SGK2: variants seen among roughly 807,000 people sequenced by gnomAD.
SGK2 encodes serum/glucocorticoid regulated kinase 2, also known as serine/threonine-protein kinase Sgk2.
In SGK2, 36 loss-of-function variants were observed where a neutral mutation model predicts 47.5. The observed-to-expected ratio is 0.76, with a 90% CI of 0.58 to 1.00. The LOEUF is 1.00. Ranked by LOEUF, SGK2 falls within the 50% of genes least tolerant of loss-of-function variation. The probability of loss-of-function intolerance (pLI) is 0.00; values close to 1 mark genes in which losing one functional copy is unlikely to be tolerated. For missense variants in SGK2, 404 were observed against 467.4 expected (o/e 0.86, Z 1.25); for synonymous variants, 157 against 181.9 (o/e 0.86, Z 1.10).
At chr20:43,573,499 A>AC (rs1340103583) in intron 9 of SGK2, among the ~76,000 whole-genome samples, 4 of 151,618 alleles carry the variant, frequency 2.6e-5, no homozygotes, top group Admixed American at 1.3e-4. Flanking sequence ...CAAAAAAAAA[A>AC]AAAAAAAAAA....
At chr20:43,566,212 A>G in intron 1 of SGK2, 2 of 889,822 alleles carry the variant, frequency 2.2e-6, no homozygotes, top group Admixed American at 2.4e-5. Flanking sequence ...GTTCTTGAAA[A>G]GAATCAGCCT....
chr20:43,564,607 A>C (rs1395390298), intron 1 of SGK2, among the ~76,000 whole-genome samples: 1 of 151,910 alleles, frequency 6.6e-6, no homozygotes, highest in Non-Finnish European at 1.5e-5. Context: ...ACTGCTCTTA[A>C]CACACACCTT....
chr20:43,583,723 CT>C, intron 12 of SGK2: 1 of 495,848 alleles, frequency 2.0e-6, no homozygotes, highest in Non-Finnish European at 2.6e-6. Flanking sequence ...AACCCCAGCA[CT>C]TTATGAGGCC....
At chr20:43,571,113 A>G in intron 8 of SGK2, 53 bp downstream of exon 8, 1 of 1,579,160 alleles carries the variant, frequency 6.3e-7, no homozygotes, top group Non-Finnish European at 8.6e-7. Context: ...ATGTGGTTGC[A>G]CAGGTACACT....
chr20:43,571,592 A>G (rs1198241062), intron 8 of SGK2, among the ~76,000 whole-genome samples: 1 of 152,082 alleles, frequency 6.6e-6, no homozygotes, highest in Non-Finnish European at 1.5e-5. Context: ...GATTGCTCCT[A>G]GGGACGGGGC....
chr20:43,565,999 T>C (rs1356181353), intron 1 of SGK2: 2 of 245,918 alleles, frequency 8.1e-6, no homozygotes, highest in Non-Finnish European at 1.6e-5. Flanking sequence ...ATTGTTCCTC[T>C]ATGGGAGTCC....
chr20:43,581,258 C>T (rs369900877), intron 12 of SGK2, among the ~76,000 whole-genome samples: 27 of 152,044 alleles, frequency 1.8e-4, no homozygotes, highest in Admixed American at 2.0e-4. Flanking sequence ...ATATTATCTT[C>T]CTCCTTTTTT....
At chr20:43,579,781 G>C (rs979637248) in intron 11 of SGK2, among the ~76,000 whole-genome samples, 191 bp from the exon 12 acceptor site, 1 of 152,160 alleles carries the variant, frequency 6.6e-6, no homozygotes, top group Non-Finnish European at 1.5e-5. Flanking sequence ...GGGGAGAAGG[G>C]TTTGGATTCT....
At chr20:43,561,051 C>T (rs1434491063) in intron 1 of SGK2, among the ~76,000 whole-genome samples, 3 of 152,206 alleles carry the variant, frequency 2.0e-5, no homozygotes, top group East Asian at 3.8e-4. Flanking sequence ...AGGACTATAG[C>T]GGTTTTAGCA....
Position 43,571,078 on chromosome 20 carries a change from TG to T in SGK2, c.510+19del. ...ACTGCCAGGTTGGTGTGTGTGTGTG[TG>T]TGTGTGTGTGTGTGTGTGTGTGTAT... On this transcript the variant is annotated intron_variant, in intron 8 of 12. Coordinates refer to ENST00000373100, the MANE Select transcript of SGK2 (RefSeq NM_170693.3). 1.9e-6 allele frequency: 3 copies of T among 1,597,478 alleles called. No individual in the cohort carries two copies. The highest frequency in any genetic ancestry group is 2.6e-6 in the Non-Finnish European group (3 of 1,170,598).
intron 11 of SGK2, among the ~76,000 whole-genome samples, chr20:43,577,853 C>G (rs184824371): frequency 6.6e-6 from 1 of 152,072 alleles, no homozygotes; most frequent in Non-Finnish European, 1.5e-5. Flanking sequence ...CTATGTTGGA[C>G]AGGCTGGTCT....
rs1426832816 is a variant in SGK2 at position 43,572,721 on chromosome 20, T to G, written c.597+584T>G. ...AAGAAATTCAAACCACATAAACACT[T>G]TAAAAACTTCCAGCAGCCACATTTA... On this transcript the variant is annotated intron_variant, in intron 9 of 12. Coordinates refer to ENST00000373100, the MANE Select transcript of SGK2 (RefSeq NM_170693.3). The surrounding 1 kb of genome is among the most constrained non-coding windows in gnomAD (Gnocchi z 4.2). Among the ~76,000 whole-genome samples, 2 of 152,120 alleles carry G rather than the reference T, an allele frequency of 1.3e-5. No individual in the cohort carries two copies. The highest frequency in any genetic ancestry group is 2.9e-5 in the Non-Finnish European group (2 of 68,008).
Position 43,569,391 on chromosome 20 carries a change from C to A in SGK2, c.235C>A (p.His79Asn). Residue 79 changes from histidine to asparagine, a missense_variant, in exon 6 of 13, where the codon CAC becomes AAC. His to Asn is a moderately conservative substitution (Grantham distance 68, BLOSUM62 1). Transcript: ENST00000373100. Reference protein sequence around the residue: ...KSILKKKEQSHIMAERSVLLK... With the variant: ...KSILKKKEQSNIMAERSVLLK... ...TCTCTTTGTGACTCCACAGCAGAGC[C>A]ACATCATGGCAGAGCGCAGTGTGCT... The A allele has an allele frequency of 6.2e-7, 1 of 1,613,884 alleles. No individual in the cohort carries two copies. Among genetic ancestry groups the A allele is most frequent in the Non-Finnish European group, 8.5e-7 (1 of 1,179,988 alleles).
intron 1 of SGK2, among the ~76,000 whole-genome samples, chr20:43,563,143 A>T (rs1296217154): frequency 6.6e-6 from 1 of 151,886 alleles, no homozygotes; most frequent in Non-Finnish European, 1.5e-5. Flanking sequence ...CTCAAAAAAA[A>T]AAAAAAGAAA....
intron 8 of SGK2, 71 bp from the exon 9 acceptor site, chr20:43,571,980 C>T: frequency 4.4e-6 from 5 of 1,132,580 alleles, no homozygotes; most frequent in Non-Finnish European, 1.3e-6. Context: ...GGCATCTGGG[C>T]TTTGGGGGTT....
intron 12 of SGK2, among the ~76,000 whole-genome samples, chr20:43,584,574 TCTC>T (rs1980988925): frequency 6.6e-6 from 1 of 152,170 alleles, no homozygotes; most frequent in South Asian, 2.1e-4. Flanking sequence ...TTTATCTTGT[TCTC>T]CTGTGTTCCC....
At chr20:43,569,833 G>A (rs1174910105) in intron 6 of SGK2, among the ~76,000 whole-genome samples, 1 of 152,164 alleles carries the variant, frequency 6.6e-6, no homozygotes, top group Admixed American at 6.6e-5. Flanking sequence ...GGAGCTCGTG[G>A]TCAAGGTTTC....
At position 43,571,070 on chromosome 20, in the gene SGK2, T is replaced by G. The variant is rs200172087; in HGVS notation, c.510+10T>G. 831 of 399,070 alleles carry G rather than the reference T, an allele frequency of 2.1e-3. 2 individuals are homozygous for G. Among genetic ancestry groups the G allele is most frequent in the Non-Finnish European group, 2.1e-3 (541 of 257,464 alleles). 24.7% of individuals were successfully genotyped at this position (399,070 alleles called of 1,614,324 possible). A position where few individuals can be genotyped will look rare whatever the true frequency, so the allele number is the denominator to read the frequency against. ...TCTCTTGGACTGCCAGGTTGGTGTG[T>G]GTGTGTGTGTGTGTGTGTGTGTGTG... On this transcript the variant is annotated intron_variant, in intron 8 of 12. Transcript: ENST00000373100.
Position 43,576,223 on chromosome 20 carries a change from G to C in SGK2, c.694-1G>C, listed in dbSNP as rs1184291157. The C allele has an allele frequency of 6.2e-7, 1 of 1,613,674 alleles. No homozygotes were observed. Among genetic ancestry groups the C allele is most frequent in the African/African-American group, 1.3e-5 (1 of 74,912 alleles). On this transcript the variant is annotated splice_acceptor_variant, in intron 10 of 12. Coordinates refer to ENST00000373100, the MANE Select transcript of SGK2 (RefSeq NM_170693.3). LOFTEE classifies it high-confidence loss of function. The stretch of plus-strand genomic sequence containing the variant: ...TCCAGCTGTTCTCCCTCTCTCCCCA[G>C]CCGCCCTTCTACAGCCAAGATGTAT...
Sources: allele counts gnomAD v4.1 joint callset (sites outside exome capture counted in the v4.1 genomes callset), GRCh38; gene constraint gnomAD v4.1.1; non-coding constraint Gnocchi (gnomAD v3.1); transcripts MANE v1.5; gene names NCBI Gene and HGNC (gene_info 2026-07-23, HGNC 2026-07-21).